Variants in ADNP observed in about 807,000 individuals in gnomAD.
ADNP encodes the protein activity dependent neuroprotector homeobox.
ADNP carries 4 observed loss-of-function variants against 84.9 expected under a neutral mutation model. The ratio of observed to expected loss-of-function variants is 0.05; its 90% CI spans 0.02 to 0.11. ADNP has a LOEUF of 0.11. ADNP is among the 10% of genes least tolerant of loss of function. The pLI is 1.00. For missense variants in ADNP, 1,132 were observed against 1,326.0 expected (o/e 0.85, Z 2.27); for synonymous variants, 554 against 468.1 (o/e 1.18, Z -2.37).
intron 2 of ADNP, chr20:50,914,254 C>T (rs938037977): frequency 2.8e-6 from 2 of 712,828 alleles, no homozygotes; most frequent in African/African-American, 3.5e-5. Flanking sequence ...CACTCCTCCA[C>T]ACTTAGTCTG....
rs958725273 is a variant in ADNP at position 50,929,069 on chromosome 20, T to C, written c.-264-244A>G. On this transcript the variant is annotated intron_variant, in intron 1 of 5. Transcript: ENST00000621696. ...AAGGCTTTGCAAATCATGACACCCATCTACACACTTAATCCAACATCTCTC... is the reference window on the plus strand; with the variant it reads ...AAGGCTTTGCAAATCATGACACCCACCTACACACTTAATCCAACATCTCTC... 2.6e-5 allele frequency among the ~76,000 whole-genome samples: 4 copies of C among 152,318 alleles called. No individual in the cohort carries two copies. In the South Asian group the frequency reaches 8.3e-4, roughly 32 times the overall value.
chr20:50,900,228 G>C (rs1981835574), intron 5 of ADNP, among the ~76,000 whole-genome samples: 1 of 152,046 alleles, frequency 6.6e-6, no homozygotes, highest in African/African-American at 2.4e-5. Context: ...TTACCATTGT[G>C]TTAATCACTC....
chr20:50,911,190 T>C (rs888972444), intron 2 of ADNP, among the ~76,000 whole-genome samples: 2 of 152,232 alleles, frequency 1.3e-5, no homozygotes, highest in African/African-American at 4.8e-5. Context: ...ATGCATGATA[T>C]TTGTATCTGT....
chr20:50,915,792 G>C (rs1983464541), intron 2 of ADNP, among the ~76,000 whole-genome samples: 2 of 152,194 alleles, frequency 1.3e-5, no homozygotes, highest in African/African-American at 2.4e-5. Context: ...GGCTAAAAAG[G>C]GGGGTGAGGG....
At chr20:50,898,435 G>A (rs1473218559) in intron 5 of ADNP, among the ~76,000 whole-genome samples, 1 of 152,166 alleles carries the variant, frequency 6.6e-6, no homozygotes, top group Non-Finnish European at 1.5e-5. Context: ...CTTCAATCCA[G>A]GTCATCAGAA....
chr20:50,906,118 A>C (rs1377151112), intron 2 of ADNP, among the ~76,000 whole-genome samples: 1 of 152,178 alleles, frequency 6.6e-6, no homozygotes, highest in East Asian at 1.9e-4. Flanking sequence ...AGGCTGAGGC[A>C]GGAGAATCGC....
chr20:50,907,731 T>C (rs1165752850), intron 2 of ADNP, among the ~76,000 whole-genome samples: 1 of 150,318 alleles, frequency 6.7e-6, no homozygotes, highest in Non-Finnish European at 1.5e-5. Context: ...AGGTGCACAC[T>C]ACCTAGACGC....
chr20:50,925,971 G>A (rs571786565), intron 2 of ADNP, among the ~76,000 whole-genome samples: 8 of 152,158 alleles, frequency 5.3e-5, no homozygotes, highest in Non-Finnish European at 7.3e-5. Context: ...CGTTGTGGCA[G>A]GCACCTGTAA....
intron 2 of ADNP, among the ~76,000 whole-genome samples, chr20:50,920,142 T>C (rs1983845605): frequency 1.4e-5 from 2 of 145,624 alleles, no homozygotes. Context: ...CCGGGCGTGG[T>C]GGTGTGCGCC....
At chr20:50,900,167 C>T (rs539658331) in intron 5 of ADNP, among the ~76,000 whole-genome samples, 1 of 152,272 alleles carries the variant, frequency 6.6e-6, no homozygotes, top group Admixed American at 6.5e-5. Context: ...TTTTATATTG[C>T]ATTTTTACTG....
Position 50,931,399 on chromosome 20 carries a change from TCCCCGAACCTGCCCTA to T in ADNP, c.-854_-839del, listed in dbSNP as rs1458831757. On this transcript the variant is annotated 5_prime_UTR_variant, in exon 1 of 6. Coordinates refer to ENST00000621696, the MANE Select transcript of ADNP (RefSeq NM_001282531.3). ...GACAATACAAGCGCCTCGGACCGAG[TCCCCGAACCTGCCCTA>T]GCCAAAATGGCGGCCGAGAAAGAGC... is the stretch of plus-strand genomic sequence containing the variant. 6.6e-6 allele frequency: 1 copy of T among 151,332 alleles called. No homozygotes were observed. Among genetic ancestry groups the T allele is most frequent in the Non-Finnish European group, 1.5e-5 (1 of 68,082 alleles). 9.4% of individuals were successfully genotyped at this position (151,332 alleles called of 1,614,324 possible).
rs543960567 is a variant in ADNP at position 50,904,255 on chromosome 20, C to T, written c.-5-254G>A. On this transcript the variant is annotated intron_variant, in intron 3 of 5. Coordinates refer to ENST00000621696, the MANE Select transcript of ADNP (RefSeq NM_001282531.3). ...GTCGCGCAGGCTGGAGTGCAGTGCACTCATGGTTCATTGACTGCAGTGCAC... is the reference window on the plus strand; with the variant it reads ...GTCGCGCAGGCTGGAGTGCAGTGCATTCATGGTTCATTGACTGCAGTGCAC... 25 of 427,864 alleles carry T rather than the reference C, an allele frequency of 5.8e-5. No homozygotes were observed. In the East Asian group the frequency reaches 6.2e-4, roughly 11 times the overall value. The allele number at this position is 427,864 out of a possible 1,614,324, so 26.5% of individuals were successfully genotyped here. A position where few individuals can be genotyped will look rare whatever the true frequency, so the allele number is the denominator to read the frequency against.
intron 2 of ADNP, among the ~76,000 whole-genome samples, chr20:50,928,073 A>T (rs1235074344): frequency 6.6e-6 from 1 of 152,220 alleles, no homozygotes; most frequent in South Asian, 2.1e-4. Context: ...TCTCTAGTCA[A>T]ATACCTGTAC....
intron 2 of ADNP, among the ~76,000 whole-genome samples, chr20:50,915,391 A>G (rs1983433405): frequency 6.6e-6 from 1 of 152,240 alleles, no homozygotes; most frequent in African/African-American, 2.4e-5. Flanking sequence ...AAATCAAACC[A>G]GTTGCAAAAA....
intron 2 of ADNP, among the ~76,000 whole-genome samples, chr20:50,919,311 A>ATATATATATATATATATATATG (rs1983769471): frequency 6.8e-6 from 1 of 146,346 alleles, no homozygotes; most frequent in African/African-American, 2.6e-5. Context: ...ATATATATAT[A>ATATATATATATATATATATATG]TATATGTAAA....
At chr20:50,906,288 C>T (rs969817618) in intron 2 of ADNP, among the ~76,000 whole-genome samples, 2 of 152,174 alleles carry the variant, frequency 1.3e-5, no homozygotes, top group Admixed American at 6.5e-5. Flanking sequence ...AAAAATATTT[C>T]AGAAATACAG....
intron 4 of ADNP, among the ~76,000 whole-genome samples, chr20:50,902,931 G>A (rs1419972003): frequency 1.3e-5 from 2 of 152,224 alleles, no homozygotes; most frequent in African/African-American, 2.4e-5. Flanking sequence ...TTGGAACAAC[G>A]TGACTAGAGA....
rs3069819 is a variant in ADNP, at chr20:50,909,363, CAAAAAAAAAAAAAAAAAA to C, written c.-89-4532_-89-4515del. ...GTGGGCGACAAGAGTAAAACTGTCTCAAAAAAAAAAAAAAAAAAAAAAAAAAAAAAGAAATCAGATGAG... is the reference window on the plus strand; with the variant it reads ...GTGGGCGACAAGAGTAAAACTGTCTCAAAAAAAAAAAAGAAATCAGATGAG... On this transcript the variant is annotated intron_variant, in intron 2 of 5. Transcript: ENST00000621696. 1.1e-4 allele frequency: 5 copies of C among 44,358 alleles called. No homozygotes were observed. The South Asian group carries it at 5.7e-3, about 51-fold the overall frequency. The allele number at this position is 44,358 out of a possible 1,614,324, so 2.7% of individuals were successfully genotyped here.
At chr20:50,926,418 ATGT>A (rs776647401) in intron 2 of ADNP, among the ~76,000 whole-genome samples, 5 of 152,224 alleles carry the variant, frequency 3.3e-5, no homozygotes, top group Non-Finnish European at 7.3e-5. Context: ...AATGCTTCTA[ATGT>A]TGTAAAATAA....
Sources: gnomAD v4.1 joint callset for allele counts (sites outside exome capture counted in the v4.1 genomes callset) on GRCh38, gnomAD v4.1.1 for gene constraint, MANE v1.5 for transcripts, NCBI Gene and HGNC (gene_info 2026-07-23, HGNC 2026-07-21) for gene names.